The following CNTNAP2 variants were observed in gnomAD, a reference collection of about 807,000 sequenced individuals.
CNTNAP2 encodes contactin-associated protein-like 2.
Under a neutral mutation model 155.2 loss-of-function variants are expected in CNTNAP2, and 98 were observed. That is an observed-to-expected ratio of 0.63 (90% CI 0.54 to 0.75). The LOEUF is 0.75. Ranked by LOEUF, CNTNAP2 falls within the 30% of genes least tolerant of loss-of-function variation. CNTNAP2 has a pLI of 0.00. For synonymous variants in CNTNAP2, 651 were observed against 631.2 expected (o/e 1.03, Z -0.47); for missense variants, 1,727 against 1,688.1 (o/e 1.02, Z -0.40).
intron 1 of CNTNAP2, among the ~76,000 whole-genome samples, chr7:146,599,680 G>A (rs1385748425): frequency 6.6e-6 from 1 of 151,620 alleles, no homozygotes; most frequent in Admixed American, 6.6e-5. Context: ...GGTTGCTTGT[G>A]TGAGCCCTCT....
chr7:147,194,122 C>A (rs1012541096), intron 8 of CNTNAP2, among the ~76,000 whole-genome samples: 1 of 151,710 alleles, frequency 6.6e-6, no homozygotes, highest in African/African-American at 2.4e-5. Context: ...TGATGTTCCC[C>A]TCCGTGTGTC....
intron 1 of CNTNAP2, among the ~76,000 whole-genome samples, chr7:146,217,090 C>A (rs2116890982): frequency 6.6e-6 from 1 of 152,292 alleles, no homozygotes; most frequent in Admixed American, 6.5e-5. Context: ...GACCCCTGAT[C>A]TTTTATTTGA....
rs185499640 is a variant in CNTNAP2, at chr7:146,564,485, C to G, written c.98-209786C>G. Among the ~76,000 whole-genome samples, 301 of 149,458 alleles carry G rather than the reference C, an allele frequency of 2.0e-3. 2 individuals carry two copies. The highest frequency in any genetic ancestry group is 6.2e-3 in the African/African-American group (253 of 40,984). ...CAAATTTTATATATGTTTCATATAT[C>G]ATATATAATTATATATTAGAGTTGT... On this transcript the variant is annotated intron_variant, in intron 1 of 23. Transcript: ENST00000361727.
At chr7:148,046,014 G>A (rs1802767916) in intron 15 of CNTNAP2, among the ~76,000 whole-genome samples, 1 of 152,180 alleles carries the variant, frequency 6.6e-6, no homozygotes, top group Non-Finnish European at 1.5e-5. Context: ...ATTAGATACA[G>A]CATTGCTGGG....
intron 8 of CNTNAP2, among the ~76,000 whole-genome samples, chr7:147,150,675 C>G (rs534392357): frequency 2.0e-5 from 3 of 152,212 alleles, no homozygotes; most frequent in South Asian, 2.1e-4. Flanking sequence ...TTGTTATATA[C>G]GTATGAATTA....
chr7:148,307,681 A>G (rs1306750446), intron 21 of CNTNAP2, among the ~76,000 whole-genome samples: 1 of 152,198 alleles, frequency 6.6e-6, no homozygotes, highest in Non-Finnish European at 1.5e-5. Flanking sequence ...AAGAATATAC[A>G]TAGAGACTGG....
intron 6 of CNTNAP2, among the ~76,000 whole-genome samples, chr7:147,127,382 T>G (rs991864050): frequency 4.7e-5 from 7 of 150,144 alleles, no homozygotes; most frequent in African/African-American, 1.7e-4. Context: ...AGGCCTTTGT[T>G]TTTTTTTTTA....
intron 3 of CNTNAP2, among the ~76,000 whole-genome samples, chr7:146,949,260 G>A (rs1797255012): frequency 6.6e-6 from 1 of 152,208 alleles, no homozygotes; most frequent in South Asian, 2.1e-4. Flanking sequence ...AAATGAAATT[G>A]TCAAGATACA....
At chr7:146,412,273 C>T (rs1021171897) in intron 1 of CNTNAP2, among the ~76,000 whole-genome samples, 5 of 152,276 alleles carry the variant, frequency 3.3e-5, no homozygotes, top group South Asian at 2.1e-4. Flanking sequence ...GCTTCACAGC[C>T]GCAATGCTCT....
At chr7:147,702,261 G>A (rs552504922) in intron 13 of CNTNAP2, among the ~76,000 whole-genome samples, 1 of 152,030 alleles carries the variant, frequency 6.6e-6, no homozygotes, top group South Asian at 2.1e-4. Flanking sequence ...AGCAGCAATT[G>A]TATCAATGGC....
intron 12 of CNTNAP2, among the ~76,000 whole-genome samples, chr7:147,600,725 T>C (rs1800927412): frequency 6.6e-6 from 1 of 152,144 alleles, no homozygotes; most frequent in East Asian, 1.9e-4. Context: ...ATCCTTTTTT[T>C]CCTTTCCCTT....
intron 1 of CNTNAP2, among the ~76,000 whole-genome samples, chr7:146,751,909 A>G (rs1246915803): frequency 6.6e-6 from 1 of 152,114 alleles, no homozygotes; most frequent in African/African-American, 2.4e-5. Context: ...GTTTGCTGAG[A>G]ATGACGGCTT....
At chr7:148,199,480 G>T (rs543313091) in intron 18 of CNTNAP2, among the ~76,000 whole-genome samples, 1 of 152,200 alleles carries the variant, frequency 6.6e-6, no homozygotes, top group Non-Finnish European at 1.5e-5. Flanking sequence ...ACATCCTGTT[G>T]TTAAAATGAT....
rs71527884 is a variant in CNTNAP2, at chr7:148,181,741, C to CTTTTTTT, written c.3010+9291_3010+9297dup. Among the ~76,000 whole-genome samples the CTTTTTTT allele has an allele frequency of 2.9e-3, 142 of 48,664 alleles. 21 individuals carry two copies. The highest frequency in any genetic ancestry group is 0.059 in the Middle Eastern group (2 of 34). 31.9% of individuals were successfully genotyped at this position (48,664 alleles called of 152,430 possible). A position where few individuals can be genotyped will look rare whatever the true frequency, so the allele number is the denominator to read the frequency against. On this transcript the variant is annotated intron_variant, in intron 18 of 23. Transcript: ENST00000361727. Reference sequence around the variant, plus strand: ...ATAACTTTTGTTTCAAGTGTGTGCCCTTTTTTTTTTTTTTTTTTTTTTTTT... The same window carrying CTTTTTTT: ...ATAACTTTTGTTTCAAGTGTGTGCCCTTTTTTTTTTTTTTTTTTTTTTTTTTTTTTTT...
intron 9 of CNTNAP2, among the ~76,000 whole-genome samples, chr7:147,338,356 A>G (rs1795700072): frequency 1.2e-4 from 1 of 8,094 alleles, no homozygotes; most frequent in South Asian, 2.8e-3. Flanking sequence ...TCCTCATGTA[A>G]AAAATTCACA....
At chr7:146,162,282 C>T (rs1490761485) in intron 1 of CNTNAP2, among the ~76,000 whole-genome samples, 1 of 152,118 alleles carries the variant, frequency 6.6e-6, no homozygotes, top group African/African-American at 2.4e-5. Context: ...GGGCTAATAT[C>T]CAGAATCTAC....
chr7:147,930,608 A>G (rs1331889431), intron 14 of CNTNAP2, among the ~76,000 whole-genome samples: 1 of 152,242 alleles, frequency 6.6e-6, no homozygotes, highest in Non-Finnish European at 1.5e-5. Context: ...GAAGAAAGAA[A>G]TACAATATTA....
At chr7:146,406,806 T>A (rs1352847624) in intron 1 of CNTNAP2, among the ~76,000 whole-genome samples, 2 of 152,144 alleles carry the variant, frequency 1.3e-5, no homozygotes, top group African/African-American at 4.8e-5. Context: ...AGGGCTATCA[T>A]CCTTAGATCT....
chr7:148,347,197 C>T (rs1000191760), intron 21 of CNTNAP2, among the ~76,000 whole-genome samples: 17 of 150,666 alleles, frequency 1.1e-4, no homozygotes, highest in Non-Finnish European at 2.5e-4. Context: ...GTGGAGATTA[C>T]AGTGAGCTGA....
Sources: allele counts gnomAD v4.1 joint callset (sites outside exome capture counted in the v4.1 genomes callset), GRCh38; gene constraint gnomAD v4.1.1; transcripts MANE v1.5; gene names NCBI Gene and HGNC (gene_info 2026-07-23, HGNC 2026-07-21).